The following NECTIN3 variants were observed in gnomAD, a reference collection of about 807,000 sequenced individuals.
NECTIN3 encodes nectin cell adhesion molecule 3.
Under a neutral mutation model 49.4 loss-of-function variants are expected in NECTIN3, and 8 were observed. That is an observed-to-expected ratio of 0.16 (90% confidence interval 0.10 to 0.29). The LOEUF (loss-of-function observed/expected upper bound fraction) is 0.29. Ranked by LOEUF, NECTIN3 falls within the 10% of genes least tolerant of loss-of-function variation. NECTIN3 has a pLI of 1.00. For missense variants in NECTIN3, 581 were observed against 654.6 expected (o/e 0.89, Z 1.23); for synonymous variants, 277 against 241.1 (o/e 1.15, Z -1.38).
chr3:111,143,797 A>G (rs1464365621), intron 5 of NECTIN3, among the ~76,000 whole-genome samples: 1 of 151,906 alleles, frequency 6.6e-6, no homozygotes, highest in Admixed American at 6.6e-5. Context: ...CCCTGCTCCA[A>G]CCTAACTTTA....
rs567947298 is a variant in NECTIN3 at position 111,145,046 on chromosome 3, C to CT, written c.1139+15dup. On this transcript the variant is annotated intron_variant, in intron 6 of 8. Coordinates refer to the NECTIN3 transcript ENST00000493615. Reference sequence around the variant, plus strand: ...TCCTATCTTGACAAAGTGTAGGTAACTTTTTTGCCTTTGTTCAACTATGAA... The same window carrying CT: ...TCCTATCTTGACAAAGTGTAGGTAACTTTTTTTGCCTTTGTTCAACTATGAA... The CT allele has an allele frequency of 1.4e-3, 2,151 of 1,534,848 alleles. 43 individuals are homozygous for CT. The Admixed American group carries it at 0.028, about 20-fold the overall frequency.
chr3:111,074,286 A>G (rs1197863425), intron 1 of NECTIN3: 1 of 456,186 alleles, frequency 2.2e-6, no homozygotes. Flanking sequence ...TGATTTAACT[A>G]CTGTTTTAGT....
intron 1 of NECTIN3, among the ~76,000 whole-genome samples, chr3:111,108,426 T>A (rs539356374): frequency 6.6e-6 from 1 of 152,182 alleles, no homozygotes; most frequent in African/African-American, 2.4e-5. Context: ...CAACAGTATC[T>A]CCCAATACTC....
chr3:111,072,195 G>A lies in NECTIN3; in HGVS notation c.160+18G>A. 6.5e-7 allele frequency: 1 copy of A among 1,536,042 alleles called. No individual in the cohort carries two copies. Among genetic ancestry groups the A allele is most frequent in the South Asian group, 1.2e-5 (1 of 83,058 alleles). On this transcript the variant is annotated intron_variant, in intron 1 of 5. Coordinates refer to ENST00000485303, the MANE Select transcript of NECTIN3 (RefSeq NM_015480.3). ...GCTCTGTGGTAGGTGAACCTCGGCG[G>A]CCGGCGTGGGCTGAGGGAGCCGCCA...
intron 7 of NECTIN3, among the ~76,000 whole-genome samples, chr3:111,162,072 C>G (rs2035223558): frequency 6.6e-6 from 1 of 152,074 alleles, no homozygotes; most frequent in Admixed American, 6.5e-5. Context: ...CTTAGGATCC[C>G]TTTCCTTGTA....
At chr3:111,106,188 C>T (rs2107436884) in intron 1 of NECTIN3, among the ~76,000 whole-genome samples, 1 of 152,114 alleles carries the variant, frequency 6.6e-6, no homozygotes, top group Non-Finnish European at 1.5e-5. Context: ...TTTTTAGTTC[C>T]TTGCTAATTG....
chr3:111,107,592 ATGAACT>A (rs1248270416), intron 1 of NECTIN3, among the ~76,000 whole-genome samples: 2 of 152,140 alleles, frequency 1.3e-5, no homozygotes, highest in Admixed American at 1.3e-4. Context: ...ACCAATAGTG[ATGAACT>A]TAAACTTTAA....
At chr3:111,168,299 T>C (rs1041363887) in intron 7 of NECTIN3, among the ~76,000 whole-genome samples, 30 of 152,052 alleles carry the variant, frequency 2.0e-4, no homozygotes, top group African/African-American at 7.0e-4. Context: ...ATAGGAAGAA[T>C]TTTAGTAGGC....
chr3:111,119,231 A>G (rs968641745), intron 3 of NECTIN3, among the ~76,000 whole-genome samples: 1 of 152,200 alleles, frequency 6.6e-6, no homozygotes. Context: ...GTCCCTCAAA[A>G]TGTACAATGC....
chr3:111,145,406 A>G (rs577833818), intron 6 of NECTIN3, among the ~76,000 whole-genome samples: 1 of 152,206 alleles, frequency 6.6e-6, no homozygotes, highest in South Asian at 2.1e-4. Flanking sequence ...GCTTCTTCAT[A>G]TTGTATATGC....
intron 1 of NECTIN3, among the ~76,000 whole-genome samples, chr3:111,079,762 A>G (rs971482460): frequency 4.0e-5 from 6 of 151,886 alleles, no homozygotes; most frequent in Admixed American, 2.6e-4. Context: ...TAAAGGAAGT[A>G]AAAAATTACT....
chr3:111,193,546 T>A (rs1488269387), intron 1 of NECTIN3: 2 of 752,866 alleles, frequency 2.7e-6, no homozygotes, highest in Non-Finnish European at 4.1e-6. Context: ...TTTCTTTTCT[T>A]CATTAAGCGT....
chr3:111,097,848 A>G (rs1185496064), intron 1 of NECTIN3, among the ~76,000 whole-genome samples: 1 of 152,146 alleles, frequency 6.6e-6, no homozygotes, highest in Non-Finnish European at 1.5e-5. Context: ...GTGTATCTTT[A>G]TCAGCAGCAT....
At chr3:111,172,924 TA>T (rs2035460840) in intron 7 of NECTIN3, among the ~76,000 whole-genome samples, 1 of 152,204 alleles carries the variant, frequency 6.6e-6, no homozygotes, top group Non-Finnish European at 1.5e-5. Context: ...CTGCTTTGGA[TA>T]AAAAGTGATA....
At chr3:111,102,815 A>C (rs1006359417) in intron 1 of NECTIN3, among the ~76,000 whole-genome samples, 7 of 152,108 alleles carry the variant, frequency 4.6e-5, no homozygotes, top group African/African-American at 1.7e-4. Flanking sequence ...ATTTCAAGTT[A>C]ATTTTTGTGA....
In NECTIN3 at chr3:111,134,395, G is replaced by T; in HGVS notation, c.*180G>T. 7.5e-7 allele frequency: 1 copy of T among 1,327,674 alleles called. No individual in the cohort carries two copies. The highest frequency in any genetic ancestry group is 9.6e-7 in the Non-Finnish European group (1 of 1,041,142). 82.2% of individuals were successfully genotyped at this position (1,327,674 alleles called of 1,614,324 possible). A position where few individuals can be genotyped will look rare whatever the true frequency, so the allele number is the denominator to read the frequency against. On this transcript the variant is annotated 3_prime_UTR_variant, in exon 6 of 6. Coordinates refer to ENST00000485303, the MANE Select transcript of NECTIN3 (RefSeq NM_015480.3). ...AATCTGAGTTCAGTGTATCTAAGCTGCTTTACAATTTTTTTTCAATGCTGT... is the reference window on the plus strand; with the variant it reads ...AATCTGAGTTCAGTGTATCTAAGCTTCTTTACAATTTTTTTTCAATGCTGT...
chr3:111,111,184 A>C (rs982095372), intron 1 of NECTIN3, among the ~76,000 whole-genome samples: 2 of 152,152 alleles, frequency 1.3e-5, no homozygotes, highest in African/African-American at 4.8e-5. Flanking sequence ...AATGAGCAGC[A>C]TCGTGCTTGA....
At chr3:111,092,065 C>T (rs1391490257) in intron 1 of NECTIN3, among the ~76,000 whole-genome samples, 1 of 152,120 alleles carries the variant, frequency 6.6e-6, no homozygotes, top group Non-Finnish European at 1.5e-5. Flanking sequence ...TTTTCATTTG[C>T]TTATTGGCCA....
upstream of NECTIN3, among the ~76,000 whole-genome samples, chr3:111,188,899 C>A (rs1054711207): frequency 6.6e-6 from 1 of 152,116 alleles, no homozygotes; most frequent in Non-Finnish European, 1.5e-5. Flanking sequence ...ATCTTCCAAC[C>A]AAATCTTCCC....
Sources: gnomAD v4.1 joint callset for allele counts (sites outside exome capture counted in the v4.1 genomes callset) on GRCh38, gnomAD v4.1.1 for gene constraint, MANE v1.5 for transcripts, NCBI Gene and HGNC (gene_info 2026-07-23, HGNC 2026-07-21) for gene names.